Variants in PRPSAP2 observed in about 807,000 individuals in gnomAD.
PRPSAP2 encodes phosphoribosyl pyrophosphate synthetase associated protein 2, also known as phosphoribosyl pyrophosphate synthase-associated protein 2.
A neutral mutation model predicts 40.6 loss-of-function variants in PRPSAP2; 24 were observed. The ratio of observed to expected loss-of-function variants is 0.59; its 90% CI spans 0.43 to 0.83. PRPSAP2 has a LOEUF of 0.83. PRPSAP2 is among the 40% of genes least tolerant of loss of function. The pLI is 0.00. For missense variants in PRPSAP2, 292 were observed against 465.6 expected, an observed-to-expected ratio of 0.63 and a Z score of 3.43; for synonymous variants, 149 against 164.7, an observed-to-expected ratio of 0.90 and a Z score of 0.73.
chr17:18,902,869 CAAAAAAAAAAA>C (rs58345106), intron 8 of PRPSAP2, among the ~76,000 whole-genome samples: 17 of 73,314 alleles, frequency 2.3e-4, no homozygotes, highest in African/African-American at 7.6e-4. Flanking sequence ...AACTCCATCT[CAAAAAAAAAAA>C]AAAAAAAAAA....
chr17:18,862,878 T>C (rs2037134921), intron 1 of PRPSAP2, among the ~76,000 whole-genome samples: 1 of 151,900 alleles, frequency 6.6e-6, no homozygotes, highest in South Asian at 2.1e-4. Context: ...TGGAGTGCAG[T>C]GGCATGATCT....
chr17:18,928,546 C>T, intron 10 of PRPSAP2: 1 of 439,570 alleles, frequency 2.3e-6, no homozygotes, highest in South Asian at 2.0e-5. Context: ...GTGCAGAAAA[C>T]AGTGCTACCC....
intron 8 of PRPSAP2, among the ~76,000 whole-genome samples, chr17:18,891,227 A>G (rs2039527244): frequency 6.6e-6 from 1 of 152,242 alleles, no homozygotes; most frequent in Admixed American, 6.5e-5. Flanking sequence ...TGCACACAGT[A>G]AGCCATTGAT....
At chr17:18,903,618 C>T (rs1302869917) in intron 8 of PRPSAP2, among the ~76,000 whole-genome samples, 6 of 152,018 alleles carry the variant, frequency 3.9e-5, no homozygotes, top group Admixed American at 6.6e-5. Flanking sequence ...CCTCTAGTCC[C>T]AGCTACTCAG....
intron 8 of PRPSAP2, among the ~76,000 whole-genome samples, chr17:18,907,385 G>C (rs772582325): frequency 6.6e-6 from 1 of 152,212 alleles, no homozygotes; most frequent in Non-Finnish European, 1.5e-5. Context: ...CTAAATGACA[G>C]TGTTTCAAAG....
chr17:18,896,580 C>CCT (rs2039917496), intron 8 of PRPSAP2, among the ~76,000 whole-genome samples: 1 of 104,758 alleles, frequency 9.5e-6, no homozygotes, highest in Non-Finnish European at 1.8e-5. Flanking sequence ...CCAGATTTTC[C>CCT]TTTTTTTTTT....
At chr17:18,919,642 T>C (rs990984980) in intron 9 of PRPSAP2, among the ~76,000 whole-genome samples, 2 of 152,176 alleles carry the variant, frequency 1.3e-5, no homozygotes, top group African/African-American at 4.8e-5. Context: ...CTCCAGCCTG[T>C]GTGACAGAGT....
In PRPSAP2 at chr17:18,858,217, C is replaced by G. The variant is rs1427017229; in HGVS notation, c.-173C>G. ...CAGGAGACCCGGCGCTTTCTTCCTT[C>G]TGCAGCTGAGGCTGCGGCGGGGCCG... On this transcript the variant is annotated 5_prime_UTR_variant, in exon 1 of 12. Transcript: ENST00000268835. 2 of 152,396 alleles carry G rather than the reference C, an allele frequency of 1.3e-5. No individual in the cohort carries two copies. The highest frequency in any genetic ancestry group is 2.9e-5 in the Non-Finnish European group (2 of 68,110). 9.4% of individuals were successfully genotyped at this position (152,396 alleles called of 1,614,324 possible).
chr17:18,879,689 G>C (rs1446664432), intron 6 of PRPSAP2, among the ~76,000 whole-genome samples: 3 of 151,972 alleles, frequency 2.0e-5, no homozygotes, highest in Non-Finnish European at 4.4e-5. Context: ...CTTGACCTCA[G>C]GTGATCCACC....
intron 7 of PRPSAP2, among the ~76,000 whole-genome samples, chr17:18,883,403 CTTTTT>C (rs3043912): frequency 3.7e-5 from 5 of 134,226 alleles, no homozygotes; most frequent in Admixed American, 3.1e-4. Context: ...GTTTTTCTTT[CTTTTT>C]TTTTTTTTTT....
intron 4 of PRPSAP2, among the ~76,000 whole-genome samples, 180 bp downstream of exon 4, chr17:18,867,514 T>C (rs2037522010): frequency 6.6e-6 from 1 of 152,222 alleles, no homozygotes; most frequent in Admixed American, 6.5e-5. Flanking sequence ...CAGCTAGATA[T>C]CTAACCCTGG....
intron 1 of PRPSAP2, chr17:18,860,377 C>A (rs1029331645): frequency 6.6e-6 from 1 of 152,154 alleles, no homozygotes; most frequent in African/African-American, 2.4e-5. Flanking sequence ...TTTATGATGC[C>A]TTTTAGTTCA....
intron 7 of PRPSAP2, among the ~76,000 whole-genome samples, chr17:18,885,403 CAAAAAAA>C (rs775079199): frequency 5.5e-4 from 6 of 10,986 alleles, no homozygotes; most frequent in South Asian, 2.8e-3. Flanking sequence ...TTCCTTCTCA[CAAAAAAA>C]AAAAAAAAAA....
chr17:18,872,496 A>G (rs2037965062), intron 4 of PRPSAP2, 87 bp from the exon 5 acceptor site: 1 of 1,013,342 alleles, frequency 9.9e-7, no homozygotes, highest in Non-Finnish European at 1.5e-6. Context: ...ATTCTATTAC[A>G]TTAGGGAATA....
intron 8 of PRPSAP2, chr17:18,908,408 C>G (rs1333546504): frequency 3.9e-6 from 3 of 761,244 alleles, no homozygotes; most frequent in East Asian, 4.9e-5. Context: ...AGATGAAGAA[C>G]TTTTAAAAAT....
intron 9 of PRPSAP2, among the ~76,000 whole-genome samples, chr17:18,913,253 G>T (rs1370693269): frequency 6.6e-6 from 1 of 152,152 alleles, no homozygotes; most frequent in Non-Finnish European, 1.5e-5. Context: ...AGGTAGATGT[G>T]CCCCCACAGC....
chr17:18,876,438 G>A (rs1215725861), intron 5 of PRPSAP2, among the ~76,000 whole-genome samples: 2 of 152,154 alleles, frequency 1.3e-5, no homozygotes, highest in Non-Finnish European at 2.9e-5. Flanking sequence ...TTGTTGTATA[G>A]TGACAGAGAA....
At chr17:18,877,987 T>C (rs2151903400) in intron 6 of PRPSAP2, 117 bp downstream of exon 6, 2 of 1,136,170 alleles carry the variant, frequency 1.8e-6, no homozygotes, top group Non-Finnish European at 1.2e-6. Flanking sequence ...AGTGGCGTGA[T>C]CATAGCTCAC....
Position 18,866,436 on chromosome 17 carries a change from C to T in PRPSAP2, c.119+484C>T, listed in dbSNP as rs1451495237. ...AAAATTAGTTGGGCGTGGTGGCGGG[C>T]ACCTGTAGTCCCAGCTACTTGGGAG... On this transcript the variant is annotated intron_variant, in intron 3 of 11. Transcript: ENST00000268835. 2.6e-5 allele frequency among the ~76,000 whole-genome samples: 4 copies of T among 152,154 alleles called. No individual in the cohort carries two copies. The South Asian group carries it at 8.3e-4, about 32-fold the overall frequency.
Sources: allele counts gnomAD v4.1 joint callset (sites outside exome capture counted in the v4.1 genomes callset), GRCh38; gene constraint gnomAD v4.1.1; transcripts MANE v1.5; gene names NCBI Gene and HGNC (gene_info 2026-07-23, HGNC 2026-07-21).